NBPF15: variants seen among roughly 807,000 people sequenced by gnomAD.
NBPF15 encodes NBPF member 15, also known as NBPF family member NBPF15.
Under a neutral mutation model 62.2 loss-of-function variants are expected in NBPF15, and 74 were observed. The observed-to-expected ratio is 1.19, with a 90% CI of 0.99 to 1.44. The LOEUF (loss-of-function observed/expected upper bound fraction) is 1.44, where lower values mean the gene tolerates loss of function less well. Ranked by LOEUF, NBPF15 falls within the 40% of genes most tolerant of loss-of-function variation. The pLI, the probability that NBPF15 is intolerant of heterozygous loss-of-function variation, is 0.00. For missense variants in NBPF15, 790 were observed against 550.0 expected (o/e 1.44, Z -4.36); for synonymous variants, 244 against 209.7 (o/e 1.16, Z -1.41).
chr1:144,456,458 A>C, intron 4 of NBPF15, 79 bp downstream of exon 4: 1 of 976,258 alleles, frequency 1.0e-6, no homozygotes, highest in Non-Finnish European at 1.3e-6. Flanking sequence ...GGCCCTTGGC[A>C]TCTTCCCTTC....
At chr1:144,436,394 C>T (rs1347607781) in intron 10 of NBPF15, among the ~76,000 whole-genome samples, 13 of 151,924 alleles carry the variant, frequency 8.6e-5, no homozygotes, top group South Asian at 8.3e-4. Flanking sequence ...CAACATCACA[C>T]GGTGAGGGCC....
rs1389050551 is a variant in NBPF15, at chr1:144,440,220, A to G, written c.-115T>C. On this transcript the variant is annotated 5_prime_UTR_variant, in exon 7 of 22. Coordinates refer to ENST00000581897, the MANE Select transcript of NBPF15 (RefSeq NM_001385408.1). ...AACAAGGTTCGAGGTGCCTCAACTCAGAGCTGAAAGCACTGTCAGTAGCGC... is the reference window on the plus strand; with the variant it reads ...AACAAGGTTCGAGGTGCCTCAACTCGGAGCTGAAAGCACTGTCAGTAGCGC... 2 of 1,521,592 alleles carry G rather than the reference A, an allele frequency of 1.3e-6. No individual in the cohort carries two copies. The highest frequency in any genetic ancestry group is 1.2e-5 in the South Asian group (1 of 83,976). The allele number at this position is 1,521,592 out of a possible 1,614,324, so 94.3% of individuals were successfully genotyped here. A position where few individuals can be genotyped will look rare whatever the true frequency, so the allele number is the denominator to read the frequency against.
chr1:144,442,484 G>T (rs1179438781), intron 6 of NBPF15: 1 of 148,756 alleles, frequency 6.7e-6, no homozygotes, highest in Non-Finnish European at 1.5e-5. Context: ...TAGCAGAGTC[G>T]TGGCGAGGAG....
At chr1:144,439,410 G>C (rs782756112) in intron 8 of NBPF15, among the ~76,000 whole-genome samples, 5 of 152,046 alleles carry the variant, frequency 3.3e-5, no homozygotes, top group East Asian at 1.9e-4. Flanking sequence ...CACTAGAACA[G>C]AGCTTTGCCT....
intron 6 of NBPF15, among the ~76,000 whole-genome samples, chr1:144,447,540 T>C (rs1278904257): frequency 2.0e-5 from 3 of 151,632 alleles, no homozygotes; most frequent in Non-Finnish European, 4.4e-5. Flanking sequence ...CAGGGATGCA[T>C]TCTAGAAGGG....
chr1:144,426,924 A>G (rs1167582086), intron 17 of NBPF15, 123 bp downstream of exon 17: 3 of 592,976 alleles, frequency 5.1e-6, no homozygotes, highest in South Asian at 2.0e-5. Flanking sequence ...ACCAACAGCA[A>G]TGTCAGGAGG....
intron 4 of NBPF15, among the ~76,000 whole-genome samples, chr1:144,451,252 T>C (rs1156957427): frequency 6.6e-6 from 1 of 151,972 alleles, no homozygotes; most frequent in African/African-American, 2.4e-5. Context: ...TAAAGAGCAG[T>C]ATTGCTGCCA....
chr1:144,425,402 T>A, intron 19 of NBPF15, 115 bp downstream of exon 19: 1 of 273,332 alleles, frequency 3.7e-6, no homozygotes, highest in South Asian at 2.4e-5. Context: ...TTAGTAGGAA[T>A]AATTCAGGCT....
rs1335725668 is a variant in NBPF15, at chr1:144,439,769, C to T, written c.175+60G>A. 27 of 1,334,120 alleles carry T rather than the reference C, an allele frequency of 2.0e-5. No homozygotes were observed. In the Middle Eastern group the frequency reaches 1.3e-3, roughly 63 times the overall value. The allele number at this position is 1,334,120 out of a possible 1,614,324, so 82.6% of individuals were successfully genotyped here. A position where few individuals can be genotyped will look rare whatever the true frequency, so the allele number is the denominator to read the frequency against. On this transcript the variant is annotated intron_variant, in intron 8 of 21. Coordinates refer to ENST00000581897, the MANE Select transcript of NBPF15 (RefSeq NM_001385408.1). Reference sequence around the variant, plus strand: ...TTTTGATGGAGAGAGCATTTAGTGTCTCAGAGAGAAGACAGGACATCATTC... The same window carrying T: ...TTTTGATGGAGAGAGCATTTAGTGTTTCAGAGAGAAGACAGGACATCATTC...
intron 20 of NBPF15, 97 bp downstream of exon 20, chr1:144,424,593 A>G: frequency 1.5e-6 from 1 of 656,906 alleles, no homozygotes. Context: ...TGCGGCAATG[A>G]CATCTCTCAG....
intron 13 of NBPF15, 135 bp from the exon 14 acceptor site, chr1:144,429,998 A>T (rs1672973104): frequency 1.6e-6 from 1 of 617,468 alleles, no homozygotes; most frequent in South Asian, 2.0e-5. Context: ...TTCAAGAGAA[A>T]TAAAACTATC....
chr1:144,426,988 G>T (rs1402996806), intron 17 of NBPF15, 59 bp downstream of exon 17: 6 of 747,232 alleles, frequency 8.0e-6, no homozygotes, highest in Non-Finnish European at 9.7e-6. Context: ...TGTTTTCCCT[G>T]GACCTGGCAT....
Position 144,430,821 on chromosome 1 carries a change from AC to A in NBPF15, c.825-959del, listed in dbSNP as rs1553540105. ...CGAACTCATCTCAAGGAAGCTAAAA[AC>A]CTTGAAAAAAGATTAGACGAATGGC... On this transcript the variant is annotated intron_variant, in intron 13 of 21. Coordinates refer to ENST00000581897, the MANE Select transcript of NBPF15 (RefSeq NM_001385408.1). Among the ~76,000 whole-genome samples, 2 of 145,292 alleles carry A rather than the reference AC, an allele frequency of 1.4e-5. 1 individual carries two copies. The highest frequency in any genetic ancestry group is 3.0e-5 in the Non-Finnish European group (2 of 66,152).
chr1:144,440,171 C>G lies in NBPF15; in HGVS notation c.-66G>C. 6.4e-7 allele frequency: 1 copy of G among 1,560,434 alleles called. No homozygotes were observed. Among genetic ancestry groups the G allele is most frequent in the Non-Finnish European group, 8.7e-7 (1 of 1,147,670 alleles). The stretch of plus-strand genomic sequence containing the variant: ...TCAAAAATGTGATCACTCCCCACAG[C>G]ACTTTAGGATCCTTCACCACAAAAA... On this transcript the variant is annotated 5_prime_UTR_variant, in exon 7 of 22. Transcript: ENST00000581897.
At chr1:144,439,768 T>C in intron 8 of NBPF15, 61 bp downstream of exon 8, 1 of 1,289,244 alleles carries the variant, frequency 7.8e-7, no homozygotes, top group Non-Finnish European at 1.1e-6. Flanking sequence ...GCATTTAGTG[T>C]CTCAGAGAGA....
chr1:144,437,226 G>A (rs1679176195), intron 9 of NBPF15, 117 bp from the exon 10 acceptor site: 2 of 1,042,006 alleles, frequency 1.9e-6, no homozygotes, highest in African/African-American at 1.6e-5. Flanking sequence ...CAGAAGGTCA[G>A]CACATGTTTA....
At chr1:144,429,134 G>T (rs1672290373) in intron 14 of NBPF15, among the ~76,000 whole-genome samples, 1 of 151,874 alleles carries the variant, frequency 6.6e-6, no homozygotes, top group African/African-American at 2.4e-5. Context: ...GCTTTTGTGG[G>T]TGAAAAGTCA....
At chr1:144,442,290 T>TTA (rs587605412) in intron 6 of NBPF15, among the ~76,000 whole-genome samples, 5,546 of 120,054 alleles carry the variant, frequency 0.046, 380 homozygotes, top group African/African-American at 0.13. Context: ...CGTGTATATA[T>TTA]TATATATATA....
chr1:144,423,562 C>A (rs1449406831), intron 21 of NBPF15, among the ~76,000 whole-genome samples: 16 of 152,036 alleles, frequency 1.1e-4, no homozygotes, highest in African/African-American at 3.9e-4. Flanking sequence ...GCCCTCATGA[C>A]ACACAGCAAA....
Sources: allele counts gnomAD v4.1 joint callset (sites outside exome capture counted in the v4.1 genomes callset), GRCh38; gene constraint gnomAD v4.1.1; transcripts MANE v1.5; gene names NCBI Gene and HGNC (gene_info 2026-07-23, HGNC 2026-07-21).